Variants in EYS observed in about 807,000 individuals in gnomAD.
EYS encodes the protein protein eyes shut homolog.
A neutral mutation model predicts 282.1 loss-of-function variants in EYS; 250 were observed. The ratio of observed to expected loss-of-function variants is 0.89; its 90% CI spans 0.80 to 0.98. The LOEUF is 0.98. EYS is among the 50% of genes least tolerant of loss of function. The pLI, the probability that EYS is intolerant of heterozygous loss-of-function variation, is 0.00. For missense variants in EYS, 4,016 were observed against 3,709.0 expected (o/e 1.08, Z -2.15); for synonymous variants, 1,355 against 1,282.9 (o/e 1.06, Z -1.20).
intron 5 of EYS, among the ~76,000 whole-genome samples, chr6:65,481,688 A>G (rs966192486): frequency 3.3e-5 from 5 of 152,162 alleles, no homozygotes; most frequent in Non-Finnish European, 5.9e-5. Context: ...AGCTGGGACT[A>G]CAGGTGCCCG....
intron 22 of EYS, among the ~76,000 whole-genome samples, chr6:64,752,680 G>A (rs1000039603): frequency 6.6e-6 from 1 of 152,118 alleles, no homozygotes; most frequent in Non-Finnish European, 1.5e-5. Flanking sequence ...ATTGCAAGAT[G>A]GATTTCACCA....
At chr6:64,538,381 C>A (rs565351549) in intron 26 of EYS, among the ~76,000 whole-genome samples, 2 of 152,224 alleles carry the variant, frequency 1.3e-5, no homozygotes, top group East Asian at 3.9e-4. Context: ...TTGGTATTTT[C>A]TTTCTGGAGC....
At chr6:65,187,331 A>G (rs1417656782) in intron 12 of EYS, among the ~76,000 whole-genome samples, 1 of 151,706 alleles carries the variant, frequency 6.6e-6, no homozygotes, top group African/African-American at 2.4e-5. Flanking sequence ...GGTTAATTTA[A>G]CAATTTCTAG....
At chr6:65,020,368 C>T (rs1409916225) in intron 13 of EYS, among the ~76,000 whole-genome samples, 1 of 152,112 alleles carries the variant, frequency 6.6e-6, no homozygotes, top group Non-Finnish European at 1.5e-5. Flanking sequence ...TTAACCAAAA[C>T]ATAGAGGCCA....
intron 39 of EYS, among the ~76,000 whole-genome samples, chr6:63,784,318 CCTGA>C (rs1488682908): frequency 5.3e-5 from 8 of 152,016 alleles, no homozygotes; most frequent in African/African-American, 1.9e-4. Context: ...TCTGGAGATG[CCTGA>C]CTAATACAGA....
chr6:63,938,288 G>A (rs1173512771), intron 35 of EYS, among the ~76,000 whole-genome samples: 12 of 152,184 alleles, frequency 7.9e-5, no homozygotes, highest in Admixed American at 7.9e-4. Context: ...AGTCGAGTCT[G>A]CTGCTGCCCA....
chr6:63,758,047 G>T (rs888986306), intron 41 of EYS, among the ~76,000 whole-genome samples: 10 of 152,014 alleles, frequency 6.6e-5, no homozygotes, highest in African/African-American at 2.4e-4. Context: ...CTACAGGCAT[G>T]CACGAACACA....
intron 31 of EYS, among the ~76,000 whole-genome samples, chr6:64,199,553 C>T (rs547493473): frequency 2.6e-5 from 4 of 152,240 alleles, no homozygotes; most frequent in South Asian, 2.1e-4. Flanking sequence ...AAAGCAATGG[C>T]GACAAAAGCC....
chr6:65,162,772 T>C (rs1310083995), intron 12 of EYS, among the ~76,000 whole-genome samples: 1 of 151,136 alleles, frequency 6.6e-6, no homozygotes, highest in Admixed American at 6.6e-5. Flanking sequence ...AACTAAAAAT[T>C]AAAATGAGAC....
chr6:64,122,465 GA>G (rs1773622709), intron 31 of EYS, among the ~76,000 whole-genome samples: 1 of 152,044 alleles, frequency 6.6e-6, no homozygotes. Context: ...TACCTAATAC[GA>G]ATAAACATTT....
At chr6:63,968,350 A>T (rs1181829022) in intron 35 of EYS, among the ~76,000 whole-genome samples, 2 of 152,146 alleles carry the variant, frequency 1.3e-5, no homozygotes, top group South Asian at 4.1e-4. Flanking sequence ...AGTCTTGGTT[A>T]TGGGCTTATA....
At chr6:63,937,549 T>A (rs1054172223) in intron 35 of EYS, among the ~76,000 whole-genome samples, 2 of 150,834 alleles carry the variant, frequency 1.3e-5, no homozygotes, top group Non-Finnish European at 3.0e-5. Context: ...ACCGGTTAAT[T>A]TTTTTGTATT....
In EYS at chr6:65,495,279, T is replaced by C. The variant is rs754955077; in HGVS notation, c.132A>G (p.Thr44=). ...AGTCCAAGCAGATGTTTTCTGTTAGTGTCCAATTTACCACATATGATGAGG... is the reference window on the plus strand; with the variant it reads ...AGTCCAAGCAGATGTTTTCTGTTAGCGTCCAATTTACCACATATGATGAGG... ...PQPSSYVVNW[T]LTENICLDFY... The change falls in exon 4 of 43, where the codon ACA becomes ACG. Residue 44 remains threonine, a synonymous_variant. Coordinates refer to ENST00000503581, the MANE Select transcript of EYS (RefSeq NM_001142800.2). 8.1e-6 allele frequency: 13 copies of C among 1,614,154 alleles called. No homozygotes were observed. Among genetic ancestry groups the C allele is most frequent in the Middle Eastern group, 1.6e-4 (1 of 6,062 alleles).
intron 26 of EYS, among the ~76,000 whole-genome samples, chr6:64,530,307 A>G (rs1044750424): frequency 6.6e-6 from 1 of 152,000 alleles, no homozygotes; most frequent in Admixed American, 6.6e-5. Flanking sequence ...CAAGAGACTT[A>G]GTAAGTGAAA....
rs143315360 is a variant in EYS at position 64,795,167 on chromosome 6, G to A, written c.3443+18211C>T. On this transcript the variant is annotated intron_variant, in intron 22 of 42. Transcript: ENST00000503581. ...GAAGAATCGCTAGAACCAGGGAGGTGGAGGTTGCAGTGAGCTGAGATCACA... is the reference window on the plus strand; with the variant it reads ...GAAGAATCGCTAGAACCAGGGAGGTAGAGGTTGCAGTGAGCTGAGATCACA... Among the ~76,000 whole-genome samples the A allele has an allele frequency of 6.1e-4, 92 of 151,864 alleles. No individual in the cohort carries two copies. In the East Asian group the frequency reaches 0.017, roughly 29 times the overall value.
intron 15 of EYS, among the ~76,000 whole-genome samples, chr6:64,916,557 G>A (rs1463750383): frequency 1.3e-5 from 2 of 152,168 alleles, no homozygotes; most frequent in African/African-American, 4.8e-5. Context: ...GTGTTTGATG[G>A]GTGGGAAAAG....
chr6:65,186,413 T>C (rs988511615), intron 12 of EYS, among the ~76,000 whole-genome samples: 2 of 151,670 alleles, frequency 1.3e-5, no homozygotes, highest in Non-Finnish European at 2.9e-5. Flanking sequence ...ATGAAATAAG[T>C]GGGATGATAG....
intron 19 of EYS, among the ~76,000 whole-genome samples, chr6:64,836,637 A>G (rs532569505): frequency 6.6e-6 from 1 of 151,750 alleles, no homozygotes; most frequent in East Asian, 1.9e-4. Flanking sequence ...TATTGAAAAT[A>G]GCAATATCCA....
intron 31 of EYS, among the ~76,000 whole-genome samples, chr6:64,160,739 T>G (rs541412694): frequency 6.6e-6 from 1 of 152,346 alleles, no homozygotes; most frequent in African/African-American, 2.4e-5. Flanking sequence ...AGCTATTTGA[T>G]AGAATACATT....
Sources: gnomAD v4.1 joint callset for allele counts (sites outside exome capture counted in the v4.1 genomes callset) on GRCh38, gnomAD v4.1.1 for gene constraint, MANE v1.5 for transcripts, NCBI Gene and HGNC (gene_info 2026-07-23, HGNC 2026-07-21) for gene names.